The following LDLRAD3 variants were observed in gnomAD, a reference collection of about 807,000 sequenced individuals.
LDLRAD3 encodes the protein low density lipoprotein receptor class A domain containing 3, also known as low-density lipoprotein receptor class A domain-containing protein 3.
A neutral mutation model predicts 29.4 loss-of-function variants in LDLRAD3; 20 were observed. That is an observed-to-expected ratio of 0.68 (90% CI 0.48 to 0.99). LDLRAD3 has a LOEUF of 0.99. Among genes scored for constraint, LDLRAD3 ranks in the 50% least tolerant of loss-of-function variants. LDLRAD3 has a pLI of 0.00. For synonymous variants in LDLRAD3, 157 were observed against 192.7 expected, an observed-to-expected ratio of 0.81 and a Z score of 1.53; for missense variants, 420 against 454.3, an observed-to-expected ratio of 0.92 and a Z score of 0.69.
intron 1 of LDLRAD3, among the ~76,000 whole-genome samples, chr11:35,946,277 G>A (rs1212877546): frequency 6.6e-6 from 1 of 152,174 alleles, no homozygotes; most frequent in East Asian, 1.9e-4. Context: ...TAAAACAAGA[G>A]AGATTGTAAA....
intron 1 of LDLRAD3, among the ~76,000 whole-genome samples, chr11:35,960,900 G>C (rs1242868745): frequency 2.0e-5 from 3 of 152,198 alleles, no homozygotes; most frequent in African/African-American, 7.2e-5. Flanking sequence ...GGCCTGCTTT[G>C]GTTTTAATTT....
intron 3 of LDLRAD3, among the ~76,000 whole-genome samples, chr11:36,094,562 G>A (rs572548341): frequency 5.3e-5 from 8 of 152,248 alleles, no homozygotes; most frequent in African/African-American, 1.9e-4. Context: ...TTGAGACGGG[G>A]TCTCGCTCTG....
In LDLRAD3 at chr11:36,229,208, ATC is replaced by A; in HGVS notation, c.853_854del (p.Leu285GlufsTer47). On this transcript the variant is annotated frameshift_variant, in exon 6 of 6. Coordinates refer to ENST00000315571, the MANE Select transcript of LDLRAD3 (RefSeq NM_174902.4). LOFTEE classifies it high-confidence loss of function. ...CACCGCCCTACTCTTCTGACACGGAATCTCTGAACCAAGCCGACCTGCCCCCC... is the reference window on the plus strand; with the variant it reads ...CACCGCCCTACTCTTCTGACACGGAATCTGAACCAAGCCGACCTGCCCCCC... ...PPPPYSSDTE[S>X]LNQADLPPYR... 1 of 1,613,598 alleles carries A rather than the reference ATC, an allele frequency of 6.2e-7. No homozygotes were observed.
rs1461257172 is a variant in LDLRAD3, at chr11:36,188,995, A to T, written c.455-38090A>T. 2.6e-5 allele frequency among the ~76,000 whole-genome samples: 4 copies of T among 151,930 alleles called. No individual in the cohort carries two copies. In the East Asian group the frequency reaches 7.7e-4, roughly 29 times the overall value. ...GCTTTTTTTTTTTTTCCATTTTTTA[A>T]AATAAAAGCTTTATTAAGACATTCA... On this transcript the variant is annotated intron_variant, in intron 4 of 5. Coordinates refer to ENST00000315571, the MANE Select transcript of LDLRAD3 (RefSeq NM_174902.4).
intron 4 of LDLRAD3, chr11:36,110,207 C>T (rs1187634316): frequency 6.6e-6 from 1 of 152,224 alleles, no homozygotes; most frequent in African/African-American, 2.4e-5. Context: ...AGAAGCAAGT[C>T]AGAATGATTC....
chr11:36,011,093 C>T (rs1851950035), intron 1 of LDLRAD3, among the ~76,000 whole-genome samples: 1 of 152,216 alleles, frequency 6.6e-6, no homozygotes, highest in South Asian at 2.1e-4. Context: ...GCGTGAGCCA[C>T]CGCACCCAGC....
At chr11:36,146,091 A>G (rs551806318) in intron 4 of LDLRAD3, among the ~76,000 whole-genome samples, 2 of 152,288 alleles carry the variant, frequency 1.3e-5, no homozygotes, top group East Asian at 3.9e-4. Context: ...CACCAGGTAA[A>G]TAGCCAAATG....
In LDLRAD3 at chr11:36,169,231, A is replaced by G. The variant is rs539523002; in HGVS notation, c.455-57854A>G. Reference sequence around the variant, plus strand: ...TTTTGACAAATGCATACAATGCATAATGATCAAACCAGGGTAATTGGGATA... The same window carrying G: ...TTTTGACAAATGCATACAATGCATAGTGATCAAACCAGGGTAATTGGGATA... On this transcript the variant is annotated intron_variant, in intron 4 of 5. Coordinates refer to ENST00000315571, the MANE Select transcript of LDLRAD3 (RefSeq NM_174902.4). 3.8e-4 allele frequency among the ~76,000 whole-genome samples: 58 copies of G among 152,330 alleles called. No homozygotes were observed. The South Asian group carries it at 0.012, about 30-fold the overall frequency.
At position 36,141,880 on chromosome 11, in the gene LDLRAD3, T is replaced by C. The variant is rs11033459; in HGVS notation, c.454+43419T>C. 3.3e-5 allele frequency among the ~76,000 whole-genome samples: 5 copies of C among 152,354 alleles called. No homozygotes were observed. In the East Asian group the frequency reaches 9.6e-4, roughly 29 times the overall value. ...GGCTAAAACACAGTGCATAGCCTCATCTGCATTTCTGAAGGCAATAAATTC... is the reference window on the plus strand; with the variant it reads ...GGCTAAAACACAGTGCATAGCCTCACCTGCATTTCTGAAGGCAATAAATTC... On this transcript the variant is annotated intron_variant, in intron 4 of 5. Transcript: ENST00000315571.
intron 4 of LDLRAD3, among the ~76,000 whole-genome samples, chr11:36,201,335 GACAAGT>G: frequency 6.6e-6 from 1 of 152,158 alleles, no homozygotes; most frequent in African/African-American, 2.4e-5. Flanking sequence ...ATTATAGCTT[GACAAGT>G]ACAACACTGC....
rs75308568 is a variant in LDLRAD3 at position 36,008,107 on chromosome 11, C to T, written c.47-27996C>T. On this transcript the variant is annotated intron_variant, in intron 1 of 5. Coordinates refer to ENST00000315571, the MANE Select transcript of LDLRAD3 (RefSeq NM_174902.4). Reference sequence around the variant, plus strand: ...AAATATTAGATGCTTGTAAAGGCTCCGGCACATGGAGAATACCCAATAAAT... The same window carrying T: ...AAATATTAGATGCTTGTAAAGGCTCTGGCACATGGAGAATACCCAATAAAT... Among the ~76,000 whole-genome samples, 255 of 152,198 alleles carry T rather than the reference C, an allele frequency of 1.7e-3. 1 individual carries two copies. In the East Asian group the frequency reaches 0.023, roughly 14 times the overall value.
chr11:35,973,010 A>C (rs1420155231), intron 1 of LDLRAD3, among the ~76,000 whole-genome samples: 2 of 144,072 alleles, frequency 1.4e-5, no homozygotes, highest in African/African-American at 5.3e-5. Context: ...CCTAGATTGC[A>C]CCATTGCACT....
intron 4 of LDLRAD3, among the ~76,000 whole-genome samples, chr11:36,185,632 TC>T (rs1854837231): frequency 6.6e-6 from 1 of 152,178 alleles, no homozygotes; most frequent in Non-Finnish European, 1.5e-5. Flanking sequence ...AGTTCATTAT[TC>T]CCTCACATGG....
intron 1 of LDLRAD3, among the ~76,000 whole-genome samples, chr11:36,020,023 G>A (rs1852075630): frequency 6.6e-6 from 1 of 152,118 alleles, no homozygotes; most frequent in South Asian, 2.1e-4. Context: ...GTTTGTCTAT[G>A]GGCAGCTGTG....
chr11:36,141,037 C>CTCTCTCTCTCTCTCTCTCT (rs1389366552), intron 4 of LDLRAD3, among the ~76,000 whole-genome samples: 2 of 45,466 alleles, frequency 4.4e-5, no homozygotes, highest in Non-Finnish European at 5.9e-5. Flanking sequence ...TCTCTCTCTC[C>CTCTCTCTCTCTCTCTCTCT]GTGTGGGGGT....
At chr11:36,122,652 G>T (rs1853776362) in intron 4 of LDLRAD3, among the ~76,000 whole-genome samples, 1 of 152,124 alleles carries the variant, frequency 6.6e-6, no homozygotes, top group East Asian at 1.9e-4. Context: ...GCCCCTAGGA[G>T]CCTGTAGTCT....
intron 2 of LDLRAD3, among the ~76,000 whole-genome samples, chr11:36,036,784 G>T (rs1392432292): frequency 6.6e-6 from 1 of 152,184 alleles, no homozygotes; most frequent in Non-Finnish European, 1.5e-5. Context: ...TCTGCCGATA[G>T]ATATGGCTTG....
chr11:36,224,196 G>A (rs1855467973), intron 4 of LDLRAD3, among the ~76,000 whole-genome samples: 1 of 151,714 alleles, frequency 6.6e-6, no homozygotes, highest in Non-Finnish European at 1.5e-5. Flanking sequence ...CAGCACTTGT[G>A]TATATGTTAT....
At chr11:35,961,365 G>T (rs1851275657) in intron 1 of LDLRAD3, among the ~76,000 whole-genome samples, 1 of 152,232 alleles carries the variant, frequency 6.6e-6, no homozygotes, top group African/African-American at 2.4e-5. Flanking sequence ...GAACCAAACA[G>T]TCTGAGGTCA....
Sources: gnomAD v4.1 joint callset for allele counts (sites outside exome capture counted in the v4.1 genomes callset) on GRCh38, gnomAD v4.1.1 for gene constraint, MANE v1.5 for transcripts, NCBI Gene and HGNC (gene_info 2026-07-23, HGNC 2026-07-21) for gene names.